Variants in CDH4 observed in about 807,000 individuals in gnomAD.
The protein encoded by CDH4 is cadherin 4.
In CDH4, 33 loss-of-function variants were observed where a neutral mutation model predicts 86.0. The ratio of observed to expected loss-of-function variants is 0.38; its 90% CI spans 0.29 to 0.51. The LOEUF (loss-of-function observed/expected upper bound fraction) is 0.51. Ranked by LOEUF, CDH4 falls within the 20% of genes least tolerant of loss-of-function variation. The pLI, the probability that CDH4 is intolerant of heterozygous loss-of-function variation, is 0.86. For missense variants in CDH4, 1,114 were observed against 1,307.4 expected, an observed-to-expected ratio of 0.85 and a Z score of 2.28; for synonymous variants, 555 against 549.4, an observed-to-expected ratio of 1.01 and a Z score of -0.14.
chr20:61,309,732 T>C (rs2084435604), intron 2 of CDH4, among the ~76,000 whole-genome samples: 1 of 152,140 alleles, frequency 6.6e-6, no homozygotes, highest in South Asian at 2.1e-4. Flanking sequence ...ATTTGTAGAT[T>C]CCCTTGTCCT....
At chr20:61,738,100 G>C (rs2088287626) in intron 2 of CDH4, 1 of 152,154 alleles carries the variant, frequency 6.6e-6, no homozygotes, top group South Asian at 2.1e-4. Flanking sequence ...GGCGGTGCCG[G>C]GCCTGACCCC....
chr20:61,435,240 A>T (rs1600680814), intron 2 of CDH4, among the ~76,000 whole-genome samples: 1 of 152,370 alleles, frequency 6.6e-6, no homozygotes, highest in South Asian at 2.1e-4. Context: ...TACAGCGCTC[A>T]GGAGTTTGCA....
chr20:61,852,046 G>C (rs1250079175), intron 5 of CDH4, among the ~76,000 whole-genome samples: 1 of 152,218 alleles, frequency 6.6e-6, no homozygotes. Context: ...CCCAGATTCA[G>C]CTCTTCCCTT....
At chr20:61,854,077 C>T (rs1281126476) in intron 6 of CDH4, among the ~76,000 whole-genome samples, 1 of 152,194 alleles carries the variant, frequency 6.6e-6, no homozygotes, top group Non-Finnish European at 1.5e-5. Flanking sequence ...GTATTTTCAC[C>T]AGCAACCACA....
At chr20:61,874,529 C>T (rs1983938025) in intron 7 of CDH4, among the ~76,000 whole-genome samples, 1 of 152,162 alleles carries the variant, frequency 6.6e-6, no homozygotes, top group Non-Finnish European at 1.5e-5. Flanking sequence ...GAGACAGACC[C>T]CAGAGGGAGG....
chr20:61,351,799 C>T (rs2084714268), intron 2 of CDH4, among the ~76,000 whole-genome samples: 1 of 151,914 alleles, frequency 6.6e-6, no homozygotes, highest in Non-Finnish European at 1.5e-5. Flanking sequence ...TCACTGCAAC[C>T]TCCGCCTCCC....
At chr20:61,809,515 T>C (rs1980319476) in intron 4 of CDH4, among the ~76,000 whole-genome samples, 1 of 152,152 alleles carries the variant, frequency 6.6e-6, no homozygotes, top group Non-Finnish European at 1.5e-5. Flanking sequence ...TGATTAAGTG[T>C]AATTATAGCC....
chr20:61,613,793 A>G (rs2427187), intron 2 of CDH4, among the ~76,000 whole-genome samples: 149,033 of 151,468 alleles, frequency 0.98, 73,330 homozygotes, highest in East Asian at 1. Context: ...GGAGCCATCG[A>G]CTCTACAGAC....
chr20:61,742,505 C>T (rs528720858), intron 2 of CDH4, among the ~76,000 whole-genome samples: 65 of 150,480 alleles, frequency 4.3e-4, no homozygotes, highest in Middle Eastern at 3.4e-3. Flanking sequence ...TTTTTGGTTT[C>T]TCGAATAAAT....
rs561484339 is a variant in CDH4 at position 61,874,006 on chromosome 20, C to A, written c.1050+106C>A. The A allele has an allele frequency of 2.5e-5, 30 of 1,195,452 alleles. No individual in the cohort carries two copies. In the African/African-American group the frequency reaches 3.6e-4, roughly 14 times the overall value. The allele number at this position is 1,195,452 out of a possible 1,614,324, so 74.1% of individuals were successfully genotyped here. On this transcript the variant is annotated intron_variant, in intron 7 of 15. Coordinates refer to ENST00000614565, the MANE Select transcript of CDH4 (RefSeq NM_001794.5). ...TCCAGTGGCGCCGTCGGGGAGTGAT[C>A]GACAGTCTCCCCAGTGGCACTCTCT...
chr20:61,541,607 G>C (rs6061278), intron 2 of CDH4, among the ~76,000 whole-genome samples: 2 of 152,090 alleles, frequency 1.3e-5, no homozygotes, highest in Non-Finnish European at 2.9e-5. Context: ...TCATGTTCCC[G>C]TGATCTCCTG....
chr20:61,748,870 C>G (rs2088450942), intron 3 of CDH4, among the ~76,000 whole-genome samples: 1 of 152,076 alleles, frequency 6.6e-6, no homozygotes, highest in Non-Finnish European at 1.5e-5. Context: ...TAAAAATTAT[C>G]AAGCCAAAAA....
intron 5 of CDH4, among the ~76,000 whole-genome samples, chr20:61,850,859 T>C (rs1336554963): frequency 6.6e-6 from 1 of 152,138 alleles, no homozygotes; most frequent in African/African-American, 2.4e-5. Context: ...CTTTTGGGGG[T>C]GAGGCAGGGA....
chr20:61,275,461 G>A lies in CDH4; in HGVS notation c.169+20524G>A, dbSNP rs114575566. 2.5e-3 allele frequency among the ~76,000 whole-genome samples: 306 copies of A among 122,102 alleles called. 3 individuals carry two copies. The highest frequency in any genetic ancestry group is 8.5e-3 in the African/African-American group (263 of 30,858). 80.1% of individuals were successfully genotyped at this position (122,102 alleles called of 152,430 possible). A position where few individuals can be genotyped will look rare whatever the true frequency, so the allele number is the denominator to read the frequency against. ...ACCGTGTGCAGTTTGGGGGAGTACC[G>A]TGCACAGTTTGGGGGAGTATCATGT... On this transcript the variant is annotated intron_variant, in intron 2 of 15. Transcript: ENST00000614565.
chr20:61,382,985 C>A (rs1041248703), intron 2 of CDH4, among the ~76,000 whole-genome samples: 13 of 149,426 alleles, frequency 8.7e-5, no homozygotes, highest in Middle Eastern at 3.2e-3. Context: ...ACAAAAAAAA[C>A]CAATCACTGT....
At chr20:61,840,911 A>G (rs1323163674) in intron 4 of CDH4, among the ~76,000 whole-genome samples, 1 of 152,266 alleles carries the variant, frequency 6.6e-6, no homozygotes, top group Non-Finnish European at 1.5e-5. Context: ...AGAATAAGCA[A>G]ATGCGGCCTG....
intron 2 of CDH4, among the ~76,000 whole-genome samples, chr20:61,346,730 C>A (rs994631094): frequency 7.6e-6 from 1 of 131,552 alleles, no homozygotes; most frequent in Non-Finnish European, 1.6e-5. Context: ...GGTGACAGAG[C>A]GAGACTCTGT....
chr20:61,443,691 C>T (rs565075521), intron 2 of CDH4, among the ~76,000 whole-genome samples: 6 of 152,252 alleles, frequency 3.9e-5, no homozygotes, highest in African/African-American at 1.2e-4. Context: ...TTAAAATGAG[C>T]GCATCCGAAG....
intron 2 of CDH4, among the ~76,000 whole-genome samples, chr20:61,577,778 C>A (rs2086394494): frequency 6.6e-6 from 1 of 152,128 alleles, no homozygotes; most frequent in African/African-American, 2.4e-5. Flanking sequence ...CGGCCCTGGG[C>A]AGCCCCAGGA....
Sources: allele counts gnomAD v4.1 joint callset (sites outside exome capture counted in the v4.1 genomes callset), GRCh38; gene constraint gnomAD v4.1.1; transcripts MANE v1.5; gene names NCBI Gene and HGNC (gene_info 2026-07-23, HGNC 2026-07-21).